Variants in ZFAND3 observed in about 807,000 individuals in gnomAD.
The protein encoded by ZFAND3 is AN1-type zinc finger protein 3.
A neutral mutation model predicts 29.6 loss-of-function variants in ZFAND3; 10 were observed. The ratio of observed to expected loss-of-function variants is 0.34; its 90% CI spans 0.21 to 0.57. The LOEUF (loss-of-function observed/expected upper bound fraction) is 0.57, where lower values mean the gene tolerates loss of function less well. ZFAND3 is among the 20% of genes least tolerant of loss of function. The pLI is 0.86. For synonymous variants in ZFAND3, 128 were observed against 112.6 expected (o/e 1.14, Z -0.87); for missense variants, 230 against 304.5 (o/e 0.76, Z 1.82).
At position 37,870,396 on chromosome 6, in the gene ZFAND3, G is replaced by T. The variant is rs1764672456; in HGVS notation, c.71+50380G>T. On this transcript the variant is annotated intron_variant, in intron 1 of 5. Coordinates refer to ENST00000287218, the MANE Select transcript of ZFAND3 (RefSeq NM_021943.3). ...GCAGGTGGATCACCTAAGGTCAGAA[G>T]TTCGAGACCAGCCTGGCCAACGTGG... is the stretch of plus-strand genomic sequence containing the variant. Among the ~76,000 whole-genome samples, 3 of 149,886 alleles carry T rather than the reference G, an allele frequency of 2.0e-5. No homozygotes were observed. The South Asian group carries it at 6.3e-4, about 32-fold the overall frequency.
intron 2 of ZFAND3, among the ~76,000 whole-genome samples, chr6:37,944,457 C>G (rs1023061642): frequency 3.9e-5 from 6 of 152,060 alleles, no homozygotes; most frequent in Non-Finnish European, 7.4e-5. Context: ...AGACAAAATT[C>G]TTTTCTCAAA....
At chr6:38,122,834 A>G (rs1213723134) in intron 5 of ZFAND3, among the ~76,000 whole-genome samples, 3 of 152,212 alleles carry the variant, frequency 2.0e-5, no homozygotes, top group African/African-American at 7.2e-5. Flanking sequence ...GCAACTCAAG[A>G]TTCTGGACAG....
chr6:37,821,709 A>G (rs1763670419), intron 1 of ZFAND3, among the ~76,000 whole-genome samples: 1 of 152,248 alleles, frequency 6.6e-6, no homozygotes, highest in Non-Finnish European at 1.5e-5. Context: ...AATGCTCAGG[A>G]TGTATCAGGT....
chr6:37,890,333 T>G (rs928789799), intron 1 of ZFAND3, among the ~76,000 whole-genome samples: 10 of 152,318 alleles, frequency 6.6e-5, no homozygotes, highest in African/African-American at 1.9e-4. Flanking sequence ...ACATGAGTGA[T>G]CCCCGATTGC....
At chr6:37,965,529 A>G (rs1456877933) in intron 2 of ZFAND3, among the ~76,000 whole-genome samples, 1 of 151,542 alleles carries the variant, frequency 6.6e-6, no homozygotes, top group Non-Finnish European at 1.5e-5. Flanking sequence ...CCTTCCTTAT[A>G]TGATTGTTAT....
chr6:38,063,671 G>T (rs1295331259), intron 3 of ZFAND3, among the ~76,000 whole-genome samples: 1 of 152,172 alleles, frequency 6.6e-6, no homozygotes, highest in East Asian at 1.9e-4. Context: ...AATGGCAAAT[G>T]ACTGTCTTAG....
chr6:37,970,628 C>T (rs547336751), intron 2 of ZFAND3, among the ~76,000 whole-genome samples: 296 of 152,242 alleles, frequency 1.9e-3, no homozygotes, highest in Admixed American at 4.0e-3. Context: ...GGGCCAGGCG[C>T]GCGGTGGCTC....
intron 2 of ZFAND3, among the ~76,000 whole-genome samples, chr6:37,997,046 G>A (rs1218161017): frequency 6.6e-6 from 1 of 152,168 alleles, no homozygotes; most frequent in Non-Finnish European, 1.5e-5. Context: ...ATGTTAGTTT[G>A]TGCCTGGCAG....
chr6:38,147,136 T>G (rs957640713), intron 5 of ZFAND3, among the ~76,000 whole-genome samples: 2 of 152,186 alleles, frequency 1.3e-5, no homozygotes, highest in South Asian at 2.1e-4. Context: ...CCACTTCTCT[T>G]CATCCTCCTC....
At chr6:37,901,646 C>CT (rs1253477107) in intron 1 of ZFAND3, among the ~76,000 whole-genome samples, 1 of 152,088 alleles carries the variant, frequency 6.6e-6, no homozygotes, top group Non-Finnish European at 1.5e-5. Context: ...ATGTGTTTGT[C>CT]TTTCTAATAT....
intron 2 of ZFAND3, among the ~76,000 whole-genome samples, chr6:38,005,291 T>A (rs929156536): frequency 6.6e-6 from 1 of 152,156 alleles, no homozygotes; most frequent in African/African-American, 2.4e-5. Context: ...TGATAAAGAG[T>A]ATTGAAGTCT....
intron 5 of ZFAND3, among the ~76,000 whole-genome samples, chr6:38,124,423 C>CG (rs1765592592): frequency 6.6e-6 from 1 of 152,162 alleles, no homozygotes; most frequent in Admixed American, 6.5e-5. Flanking sequence ...GAGCCCACAG[C>CG]GGGGGGCCAG....
intron 2 of ZFAND3, among the ~76,000 whole-genome samples, chr6:38,018,492 C>T (rs532149598): frequency 9.2e-5 from 14 of 152,188 alleles, no homozygotes; most frequent in South Asian, 6.2e-4. Context: ...TAAGGGTATA[C>T]GCTAAATCTC....
chr6:37,903,006 G>GC (rs1765348338), intron 1 of ZFAND3, among the ~76,000 whole-genome samples: 1 of 152,056 alleles, frequency 6.6e-6, no homozygotes, highest in Non-Finnish European at 1.5e-5. Context: ...AATTGGCAAA[G>GC]CATGTCAAGC....
chr6:37,924,012 G>T (rs1260303013), intron 1 of ZFAND3, among the ~76,000 whole-genome samples: 1 of 151,712 alleles, frequency 6.6e-6, no homozygotes, highest in Non-Finnish European at 1.5e-5. Context: ...TGTTCAAGGG[G>T]TATGTATTTT....
In ZFAND3 at chr6:38,129,373, G is replaced by A. The variant is rs571202626; in HGVS notation, c.529+12634G>A. Among the ~76,000 whole-genome samples, 6 of 152,258 alleles carry A rather than the reference G, an allele frequency of 3.9e-5. No homozygotes were observed. The South Asian group carries it at 1.2e-3, about 32-fold the overall frequency. On this transcript the variant is annotated intron_variant, in intron 5 of 5. Transcript: ENST00000287218. ...TTTTGGTTTTATTGCATTTGCTTTT[G>A]GGTTATTGGTCATGAAATCCTTGCC... is the stretch of plus-strand genomic sequence containing the variant.
In ZFAND3 at chr6:38,061,478, G is replaced by T. The variant is rs548867446; in HGVS notation, c.113-115G>T. On this transcript the variant is annotated intron_variant, in intron 2 of 5. Coordinates refer to ENST00000287218, the MANE Select transcript of ZFAND3 (RefSeq NM_021943.3). ...ACTCCCATGGTTTTTTAGTCACCCA[G>T]ATCAGTCTTTATTATTGGTGTTGTT... 1.7e-5 allele frequency: 21 copies of T among 1,267,640 alleles called. 1 individual carries two copies. In the South Asian group the frequency reaches 2.1e-4, roughly 13 times the overall value. The allele number at this position is 1,267,640 out of a possible 1,614,324, so 78.5% of individuals were successfully genotyped here.
chr6:37,827,630 C>T (rs1763784118), intron 1 of ZFAND3, among the ~76,000 whole-genome samples: 1 of 152,158 alleles, frequency 6.6e-6, no homozygotes, highest in Admixed American at 6.5e-5. Flanking sequence ...GTGATGCACC[C>T]AGGCTAATAG....
chr6:38,066,055 GA>G (rs1309189214), intron 3 of ZFAND3, among the ~76,000 whole-genome samples: 2 of 152,204 alleles, frequency 1.3e-5, no homozygotes, highest in Admixed American at 6.5e-5. Context: ...TGGAAGGGGG[GA>G]AGTAGCTAGT....
Sources: allele counts gnomAD v4.1 joint callset (sites outside exome capture counted in the v4.1 genomes callset), GRCh38; gene constraint gnomAD v4.1.1; transcripts MANE v1.5; gene names NCBI Gene and HGNC (gene_info 2026-07-23, HGNC 2026-07-21).